PCDH15: variants seen among roughly 807,000 people sequenced by gnomAD.
The protein encoded by PCDH15 is protocadherin related 15.
Under a neutral mutation model 178.5 loss-of-function variants are expected in PCDH15, and 129 were observed. The ratio of observed to expected loss-of-function variants is 0.72; its 90% CI spans 0.63 to 0.84. The LOEUF (loss-of-function observed/expected upper bound fraction) is 0.84. PCDH15 is among the 40% of genes least tolerant of loss of function. The pLI, the probability that PCDH15 is intolerant of heterozygous loss-of-function variation, is 0.00. For synonymous variants in PCDH15, 800 were observed against 732.0 expected, an observed-to-expected ratio of 1.09 and a Z score of -1.50; for missense variants, 2,230 against 2,099.9, an observed-to-expected ratio of 1.06 and a Z score of -1.21.
chr10:55,411,560 T>A (rs11004837), intron 2 of PCDH15, among the ~76,000 whole-genome samples: 1 of 151,996 alleles, frequency 6.6e-6, no homozygotes, highest in Non-Finnish European at 1.5e-5. Context: ...TCCCAGTGGC[T>A]ATGAAAATGC....
chr10:53,925,065 G>A (rs1318910643), intron 25 of PCDH15, among the ~76,000 whole-genome samples: 1 of 152,158 alleles, frequency 6.6e-6, no homozygotes, highest in African/African-American at 2.4e-5. Context: ...GGCCACATGA[G>A]GGAATAAAAG....
Position 55,508,535 on chromosome 10 carries a change from T to C in PCDH15, c.-156+119090A>G, listed in dbSNP as rs559828227. Among the ~76,000 whole-genome samples the C allele has an allele frequency of 4.0e-4, 61 of 151,854 alleles. 2 individuals carry two copies. In the South Asian group the frequency reaches 0.012, roughly 30 times the overall value. On this transcript the variant is annotated intron_variant, in intron 2 of 5. Coordinates refer to the PCDH15 transcript ENST00000613346. Reference sequence around the variant, plus strand: ...GTTTTATGTGGGCTTCAATTAGACATAGAATGTATAAACCTGCAGATGAGA... The same window carrying C: ...GTTTTATGTGGGCTTCAATTAGACACAGAATGTATAAACCTGCAGATGAGA...
intron 3 of PCDH15, among the ~76,000 whole-genome samples, chr10:54,399,135 A>G (rs1368434302): frequency 6.6e-6 from 1 of 152,112 alleles, no homozygotes; most frequent in African/African-American, 2.4e-5. Context: ...TTTTGAATAC[A>G]TAATCACATA....
intron 29 of PCDH15, among the ~76,000 whole-genome samples, chr10:53,839,279 T>C (rs529118614): frequency 6.6e-6 from 1 of 151,704 alleles, no homozygotes; most frequent in African/African-American, 2.4e-5. Context: ...TTAGCTGATA[T>C]TAAATCATTA....
intron 31 of PCDH15, 115 bp from the exon 32 acceptor site, chr10:53,827,663 T>C: frequency 8.4e-7 from 1 of 1,185,020 alleles, no homozygotes; most frequent in Non-Finnish European, 1.2e-6. Context: ...AAAATTATTT[T>C]ACACAAACAT....
chr10:54,021,060 TACAGGTTATG>T (rs957538638), intron 19 of PCDH15, among the ~76,000 whole-genome samples: 17 of 151,990 alleles, frequency 1.1e-4, no homozygotes, highest in African/African-American at 4.1e-4. Flanking sequence ...ATTACTGCCC[TACAGGTTATG>T]GTCTCAGAGA....
intron 2 of PCDH15, among the ~76,000 whole-genome samples, chr10:55,078,812 A>G (rs1841972052): frequency 6.6e-6 from 1 of 151,806 alleles, no homozygotes; most frequent in Non-Finnish European, 1.5e-5. Context: ...AATCCATTAT[A>G]TCACTCTTAT....
intron 26 of PCDH15, among the ~76,000 whole-genome samples, chr10:53,897,985 G>A (rs1390221181): frequency 3.4e-5 from 1 of 29,194 alleles, no homozygotes; most frequent in Admixed American, 2.7e-4. Flanking sequence ...TTTTTTTTTT[G>A]AGACAGAGTC....
At chr10:54,514,914 T>A (rs531171180) in intron 3 of PCDH15, among the ~76,000 whole-genome samples, 10 of 152,286 alleles carry the variant, frequency 6.6e-5, no homozygotes, top group East Asian at 3.9e-4. Flanking sequence ...AACTTACTCA[T>A]CGAAAAGAAA....
intron 2 of PCDH15, among the ~76,000 whole-genome samples, chr10:55,528,753 G>A (rs558840780): frequency 1.5e-4 from 23 of 152,066 alleles, no homozygotes; most frequent in South Asian, 2.1e-4. Context: ...GTATTGAGAC[G>A]GCTGGGTCAA....
intron 3 of PCDH15, among the ~76,000 whole-genome samples, chr10:54,840,767 G>A (rs546424383): frequency 6.6e-6 from 1 of 151,798 alleles, no homozygotes; most frequent in East Asian, 1.9e-4. Flanking sequence ...AACCAAGAGA[G>A]AGCAGAGTAG....
intron 2 of PCDH15, among the ~76,000 whole-genome samples, chr10:55,472,096 T>C (rs1453835216): frequency 6.6e-6 from 1 of 152,176 alleles, no homozygotes; most frequent in Non-Finnish European, 1.5e-5. Flanking sequence ...ACTTGCTCGT[T>C]AGTACAACCT....
At chr10:55,291,093 C>T (rs1234798079) in intron 1 of PCDH15, among the ~76,000 whole-genome samples, 2 of 152,044 alleles carry the variant, frequency 1.3e-5, no homozygotes, top group African/African-American at 4.8e-5. Flanking sequence ...TCTGATGTTT[C>T]TCTCTTTCTC....
intron 2 of PCDH15, among the ~76,000 whole-genome samples, chr10:54,996,977 C>T (rs532050874): frequency 5.9e-5 from 9 of 151,814 alleles, no homozygotes; most frequent in East Asian, 5.8e-4. Flanking sequence ...GGTGTAGTGG[C>T]GGGCGCCTGC....
chr10:54,069,719 G>T (rs2094203684), intron 17 of PCDH15, among the ~76,000 whole-genome samples: 1 of 152,050 alleles, frequency 6.6e-6, no homozygotes, highest in Admixed American at 6.5e-5. Flanking sequence ...AATTTTTCTT[G>T]ATTGGTTCAG....
intron 3 of PCDH15, among the ~76,000 whole-genome samples, chr10:54,419,997 G>C (rs1955015930): frequency 1.3e-5 from 2 of 151,976 alleles, no homozygotes; most frequent in South Asian, 4.1e-4. Flanking sequence ...GGAAATAAAA[G>C]GTGCAAGTGA....
chr10:55,185,683 T>G (rs1839779010), intron 1 of PCDH15, among the ~76,000 whole-genome samples: 1 of 151,782 alleles, frequency 6.6e-6, no homozygotes, highest in East Asian at 1.9e-4. Context: ...TTGGATACAG[T>G]GTTTTGTTTT....
At chr10:54,890,277 G>A (rs961094643) in intron 3 of PCDH15, among the ~76,000 whole-genome samples, 6 of 152,040 alleles carry the variant, frequency 3.9e-5, no homozygotes, top group Non-Finnish European at 7.4e-5. Flanking sequence ...GAGGAAAGCT[G>A]ATACAACTCT....
intron 2 of PCDH15, among the ~76,000 whole-genome samples, chr10:55,556,084 T>C (rs954511417): frequency 6.6e-6 from 1 of 152,170 alleles, no homozygotes; most frequent in Admixed American, 6.6e-5. Context: ...TCTCTCTCCA[T>C]ATATACACAC....
Sources: gnomAD v4.1 joint callset for allele counts (sites outside exome capture counted in the v4.1 genomes callset) on GRCh38, gnomAD v4.1.1 for gene constraint, MANE v1.5 for transcripts, NCBI Gene and HGNC (gene_info 2026-07-23, HGNC 2026-07-21) for gene names.